The following BMPR2 variants were observed in gnomAD, a reference collection of about 807,000 sequenced individuals.
BMPR2 encodes bone morphogenetic protein receptor type-2.
Under a neutral mutation model 100.8 loss-of-function variants are expected in BMPR2, and 29 were observed. The ratio of observed to expected loss-of-function variants is 0.29; its 90% confidence interval spans 0.21 to 0.39. The LOEUF (loss-of-function observed/expected upper bound fraction) is 0.39. Ranked by LOEUF, BMPR2 falls within the 10% of genes least tolerant of loss-of-function variation. The pLI is 1.00. For synonymous variants in BMPR2, 382 were observed against 442.3 expected (o/e 0.86, Z 1.71); for missense variants, 1,011 against 1,274.5 (o/e 0.79, Z 3.15).
At chr2:202,419,110 A>G (rs1412202560) in intron 1 of BMPR2, among the ~76,000 whole-genome samples, 1 of 152,194 alleles carries the variant, frequency 6.6e-6, no homozygotes, top group African/African-American at 2.4e-5. Context: ...GAGGAGAAGA[A>G]AAAGGTCAGA....
chr2:202,377,538 A>G lies in BMPR2; in HGVS notation c.64A>G (p.Ser22Gly). 1 of 1,614,188 alleles carries G rather than the reference A, an allele frequency of 6.2e-7. No homozygotes were observed. Among genetic ancestry groups the G allele is most frequent in the Non-Finnish European group, 8.5e-7 (1 of 1,180,028 alleles). Residue 22 changes from serine (S) to glycine (G), a missense_variant, in exon 1 of 13, where the codon AGC becomes GGC. Coordinates refer to ENST00000374580, the MANE Select transcript of BMPR2 (RefSeq NM_001204.7). The stretch of plus-strand genomic sequence containing the variant: ...GCTACCATGGACCATCCTGCTGGTC[A>G]GCACTGCGGCTGGTGAGTAGCTCCG... Reference protein sequence around the residue: ...PWLPWTILLVSTAAASQNQER... With the variant: ...PWLPWTILLVGTAAASQNQER...
intron 3 of BMPR2, among the ~76,000 whole-genome samples, chr2:202,488,463 AAAAC>A (rs1197260970): frequency 1.3e-5 from 2 of 151,830 alleles, no homozygotes; most frequent in African/African-American, 4.8e-5. Context: ...TTTAAACAAA[AAAAC>A]AAAAAAACAG....
chr2:202,410,060 C>T (rs1690983266), intron 1 of BMPR2, among the ~76,000 whole-genome samples: 2 of 152,108 alleles, frequency 1.3e-5, no homozygotes, highest in South Asian at 4.1e-4. Context: ...TCTTGGCTTA[C>T]TGCACTCTCC....
At chr2:202,547,684 G>A (rs1688400090) in intron 10 of BMPR2, among the ~76,000 whole-genome samples, 1 of 150,572 alleles carries the variant, frequency 6.6e-6, no homozygotes, top group South Asian at 2.1e-4. Context: ...TTGGGAGGCT[G>A]AGGCAGGAGA....
At chr2:202,458,428 C>A (rs1692165320) in intron 1 of BMPR2, among the ~76,000 whole-genome samples, 1 of 151,872 alleles carries the variant, frequency 6.6e-6, no homozygotes, top group African/African-American at 2.4e-5. Flanking sequence ...CAAGGTTGTG[C>A]CACTGCACTC....
chr2:202,530,061 T>C (rs1687992510), intron 7 of BMPR2, among the ~76,000 whole-genome samples: 1 of 152,192 alleles, frequency 6.6e-6, no homozygotes, highest in Admixed American at 6.5e-5. Flanking sequence ...AGCAATCATT[T>C]ACTGTGTGTC....
intron 5 of BMPR2, among the ~76,000 whole-genome samples, chr2:202,516,044 C>T (rs1319597277): frequency 6.6e-6 from 1 of 152,088 alleles, no homozygotes; most frequent in African/African-American, 2.4e-5. Context: ...GCATATATTA[C>T]ATATTTTTAT....
chr2:202,471,675 T>C (rs1692441460), intron 3 of BMPR2, among the ~76,000 whole-genome samples: 1 of 152,062 alleles, frequency 6.6e-6, no homozygotes, highest in Non-Finnish European at 1.5e-5. Context: ...GTGGGAAAGG[T>C]CTAGGTCAAA....
intron 1 of BMPR2, among the ~76,000 whole-genome samples, chr2:202,393,931 G>GAGAT: frequency 8.1e-6 from 1 of 123,862 alleles, no homozygotes; most frequent in South Asian, 2.5e-4. Context: ...GAGAGAGAGA[G>GAGAT]AGATTCCTGT....
intron 1 of BMPR2, among the ~76,000 whole-genome samples, chr2:202,410,550 T>C (rs1690992486): frequency 6.6e-6 from 1 of 152,160 alleles, no homozygotes; most frequent in Non-Finnish European, 1.5e-5. Flanking sequence ...CATACTAATA[T>C]AAACAAGGGA....
intron 1 of BMPR2, among the ~76,000 whole-genome samples, chr2:202,435,686 C>T (rs544730338): frequency 6.7e-6 from 1 of 149,908 alleles, no homozygotes; most frequent in Non-Finnish European, 1.5e-5. Flanking sequence ...CCTACAAGCT[C>T]CATTCATGGT....
Position 202,386,032 on chromosome 2 carries a change from A to G in BMPR2, c.76+8482A>G, listed in dbSNP as rs562267857. Among the ~76,000 whole-genome samples the G allele has an allele frequency of 7.2e-5, 11 of 152,058 alleles. No individual in the cohort carries two copies. In the South Asian group the frequency reaches 1.5e-3, roughly 20 times the overall value. ...TTCTTCATTTGGCTTTTAAGATACT[A>G]TTCTCTCTTGATTTTTCTCCTACCT... is the stretch of plus-strand genomic sequence containing the variant. On this transcript the variant is annotated intron_variant, in intron 1 of 12. Transcript: ENST00000374580.
At chr2:202,559,100 G>T (rs1323239923) in intron 12 of BMPR2, among the ~76,000 whole-genome samples, 1 of 151,928 alleles carries the variant, frequency 6.6e-6, no homozygotes, top group African/African-American at 2.4e-5. Flanking sequence ...AGGAGTTTGA[G>T]ACCACCCTCG....
At chr2:202,468,032 A>G (rs1193029349) in intron 3 of BMPR2, among the ~76,000 whole-genome samples, 4 of 152,006 alleles carry the variant, frequency 2.6e-5, no homozygotes, top group African/African-American at 9.7e-5. Context: ...GGGCAACAAG[A>G]GTGAACCTAA....
chr2:202,435,850 G>A (rs1216190646), intron 1 of BMPR2, among the ~76,000 whole-genome samples: 1 of 150,378 alleles, frequency 6.6e-6, no homozygotes, highest in Non-Finnish European at 1.5e-5. Flanking sequence ...AGAAGTAATA[G>A]GCTATATCAT....
At chr2:202,419,478 T>G (rs1258388530) in intron 1 of BMPR2, among the ~76,000 whole-genome samples, 1 of 152,180 alleles carries the variant, frequency 6.6e-6, no homozygotes, top group African/African-American at 2.4e-5. Flanking sequence ...TGCCTTAGCC[T>G]CCTGAGTAGC....
At chr2:202,529,435 C>T (rs530365616) in intron 7 of BMPR2, among the ~76,000 whole-genome samples, 1 of 152,210 alleles carries the variant, frequency 6.6e-6, no homozygotes, top group Non-Finnish European at 1.5e-5. Context: ...TAGTTCTGCC[C>T]ATTGATTTGG....
At position 202,425,588 on chromosome 2, in the gene BMPR2, T is replaced by C. The variant is rs562563388; in HGVS notation, c.77-39221T>C. On this transcript the variant is annotated intron_variant, in intron 1 of 12. Transcript: ENST00000374580. Reference sequence around the variant, plus strand: ...TAGGCTAAACTTTATTTAACAGATATAGAGGGGAAGCACCTGGAAAGATGC... The same window carrying C: ...TAGGCTAAACTTTATTTAACAGATACAGAGGGGAAGCACCTGGAAAGATGC... Among the ~76,000 whole-genome samples the C allele has an allele frequency of 2.6e-5, 4 of 152,206 alleles. No homozygotes were observed. The South Asian group carries it at 8.3e-4, about 32-fold the overall frequency.
At chr2:202,480,608 T>C (rs759966319) in intron 3 of BMPR2, among the ~76,000 whole-genome samples, 2 of 152,166 alleles carry the variant, frequency 1.3e-5, no homozygotes, top group African/African-American at 4.8e-5. Flanking sequence ...CCAGTATCTT[T>C]TGTGGAAAAT....
Sources: gnomAD v4.1 joint callset for allele counts (sites outside exome capture counted in the v4.1 genomes callset) on GRCh38, gnomAD v4.1.1 for gene constraint, MANE v1.5 for transcripts, NCBI Gene and HGNC (gene_info 2026-07-23, HGNC 2026-07-21) for gene names.